The following FMN2 variants were observed in gnomAD, a reference collection of about 807,000 sequenced individuals.
FMN2 encodes the protein formin-2.
Under a neutral mutation model 142.3 loss-of-function variants are expected in FMN2, and 51 were observed. The ratio of observed to expected loss-of-function variants is 0.36; its 90% confidence interval spans 0.29 to 0.45. The LOEUF (loss-of-function observed/expected upper bound fraction) is 0.45. FMN2 is among the 20% of genes least tolerant of loss of function. The pLI, the probability that FMN2 is intolerant of heterozygous loss-of-function variation, is 1.00. For missense variants in FMN2, 1,936 were observed against 2,122.8 expected, an observed-to-expected ratio of 0.91 and a Z score of 1.73; for synonymous variants, 882 against 869.8, an observed-to-expected ratio of 1.01 and a Z score of -0.25.
At chr1:240,136,414 A>G (rs955139628) in intron 2 of FMN2, among the ~76,000 whole-genome samples, 1 of 152,232 alleles carries the variant, frequency 6.6e-6, no homozygotes, top group Non-Finnish European at 1.5e-5. Context: ...GAAGCTTAGA[A>G]AAATAGATTT....
At chr1:240,215,952 G>A (rs1666878791) in intron 6 of FMN2, among the ~76,000 whole-genome samples, 2 of 151,964 alleles carry the variant, frequency 1.3e-5, no homozygotes, top group Non-Finnish European at 2.9e-5. Context: ...CAGGTGATCC[G>A]TCTACCTTGG....
chr1:240,445,528 G>A (rs1041189142), intron 16 of FMN2, among the ~76,000 whole-genome samples: 4 of 152,122 alleles, frequency 2.6e-5, no homozygotes, highest in African/African-American at 9.7e-5. Context: ...AGCATTCCGG[G>A]TAGATGGTAA....
At chr1:240,336,516 TGTTAA>T (rs1310989509) in intron 13 of FMN2, among the ~76,000 whole-genome samples, 6 of 132,388 alleles carry the variant, frequency 4.5e-5, no homozygotes, top group Admixed American at 2.7e-4. Flanking sequence ...ACCAAATGAA[TGTTAA>T]GTTAAAGTTA....
At chr1:240,437,554 G>A (rs1051840340) in intron 15 of FMN2, among the ~76,000 whole-genome samples, 9 of 152,086 alleles carry the variant, frequency 5.9e-5, no homozygotes, top group Non-Finnish European at 8.8e-5. Context: ...CACCCACCTT[G>A]GCCTCCCAAA....
intron 6 of FMN2, among the ~76,000 whole-genome samples, chr1:240,221,743 G>A (rs906123612): frequency 2.0e-5 from 3 of 151,160 alleles, no homozygotes; most frequent in Admixed American, 1.3e-4. Flanking sequence ...ATTAGATCCC[G>A]TTTGTCAATT....
chr1:240,333,906 T>A lies in FMN2; in HGVS notation c.4604T>A (p.Leu1535Ter), dbSNP rs1183846382. Residue 1535 changes from leucine (L) to a stop codon, truncating the protein, a stop_gained, in exon 12 of 18, where the codon TTG (leucine) becomes TAG (stop). Coordinates refer to ENST00000319653, the MANE Select transcript of FMN2 (RefSeq NM_020066.5). LOFTEE classifies it high-confidence loss of function. ...GCCTAGGACAATAGCAGAAGCCTTT[T>A]GTCATATATTGTTTCGTATTATCTC... ...VKSSDNSRSL[L>*]SYIVSYYLRN... 6.2e-7 allele frequency: 1 copy of A among 1,609,064 alleles called. No individual in the cohort carries two copies. Among genetic ancestry groups the A allele is most frequent in the African/African-American group, 1.3e-5 (1 of 74,822 alleles).
At chr1:240,309,454 G>A (rs1189099251) in intron 8 of FMN2, among the ~76,000 whole-genome samples, 1 of 152,136 alleles carries the variant, frequency 6.6e-6, no homozygotes, top group Admixed American at 6.5e-5. Flanking sequence ...TCAGGGCACA[G>A]GCAAGCCTTG....
chr1:240,185,249 T>G (rs1428157131), intron 3 of FMN2, among the ~76,000 whole-genome samples: 2 of 152,112 alleles, frequency 1.3e-5, no homozygotes, highest in Non-Finnish European at 2.9e-5. Flanking sequence ...TTTTTCCTTA[T>G]CATGTATTTT....
intron 14 of FMN2, among the ~76,000 whole-genome samples, chr1:240,363,909 T>G (rs1304187078): frequency 1.3e-5 from 2 of 152,112 alleles, no homozygotes; most frequent in African/African-American, 2.4e-5. Flanking sequence ...CTGGGAGACT[T>G]CCCTGCCTCT....
At chr1:240,311,355 G>A (rs993851154) in intron 8 of FMN2, among the ~76,000 whole-genome samples, 1 of 151,738 alleles carries the variant, frequency 6.6e-6, no homozygotes, top group Non-Finnish European at 1.5e-5. Context: ...GAATTTAATT[G>A]ATTCATGTTT....
intron 8 of FMN2, 56 bp downstream of exon 8, chr1:240,294,939 C>A: frequency 7.0e-7 from 1 of 1,436,724 alleles, no homozygotes; most frequent in South Asian, 1.2e-5. Flanking sequence ...CAGTACATGT[C>A]TATGTGCACA....
chr1:240,370,821 G>A (rs1672839144), intron 14 of FMN2, among the ~76,000 whole-genome samples: 3 of 152,030 alleles, frequency 2.0e-5, no homozygotes, highest in Admixed American at 2.0e-4. Flanking sequence ...TCAGTCTTCT[G>A]GAAAAGATTG....
rs938859213 is a variant in FMN2, at chr1:240,341,875, A to T, written c.4765+7646A>T. ...CTGGGCTGGGAAGCTGTGGCTACTT[A>T]CTCTTGCTGCCCCAGGCATAGAGTT... On this transcript the variant is annotated intron_variant, in intron 13 of 17. Coordinates refer to ENST00000319653, the MANE Select transcript of FMN2 (RefSeq NM_020066.5). Among the ~76,000 whole-genome samples the T allele has an allele frequency of 8.4e-4, 128 of 152,028 alleles. 2 individuals are homozygous for T. Among genetic ancestry groups the T allele is most frequent in the Non-Finnish European group, 3.1e-4 (21 of 67,988 alleles).
intron 13 of FMN2, among the ~76,000 whole-genome samples, chr1:240,352,591 T>A (rs756200301): frequency 1.6e-4 from 25 of 151,750 alleles, no homozygotes; most frequent in East Asian, 7.8e-4. Context: ...AAAAAAAATT[T>A]AAAAAAAACA....
intron 1 of FMN2, among the ~76,000 whole-genome samples, chr1:240,097,373 T>TTTA (rs1374093824): frequency 6.6e-6 from 1 of 150,828 alleles, no homozygotes; most frequent in Non-Finnish European, 1.5e-5. Flanking sequence ...TTTTTTTTTT[T>TTTA]GAGACAGAGT....
intron 16 of FMN2, chr1:240,457,384 A>G (rs1258632817): frequency 6.6e-6 from 1 of 152,160 alleles, no homozygotes; most frequent in Non-Finnish European, 1.5e-5. Context: ...TGCATGCTTC[A>G]CTACGAATGT....
chr1:240,324,303 C>T (rs979580417), intron 8 of FMN2, among the ~76,000 whole-genome samples: 1 of 152,104 alleles, frequency 6.6e-6, no homozygotes, highest in African/African-American at 2.4e-5. Context: ...TAGGAGAGGG[C>T]ATTATTTGAA....
chr1:240,136,873 T>C (rs6688908), intron 2 of FMN2, among the ~76,000 whole-genome samples: 63,485 of 151,644 alleles, frequency 0.42, 13,269 homozygotes, highest in East Asian at 0.46. Flanking sequence ...GAGTTTGAGA[T>C]CAGCCTGACC....
intron 13 of FMN2, among the ~76,000 whole-genome samples, chr1:240,335,862 G>A (rs1427078040): frequency 4.6e-5 from 7 of 152,052 alleles, no homozygotes; most frequent in East Asian, 3.9e-4. Context: ...ACAAGCAGCC[G>A]GCCAGGCATG....
Sources: gnomAD v4.1 joint callset for allele counts (sites outside exome capture counted in the v4.1 genomes callset) on GRCh38, gnomAD v4.1.1 for gene constraint, MANE v1.5 for transcripts, NCBI Gene and HGNC (gene_info 2026-07-23, HGNC 2026-07-21) for gene names.